The following CELA2B variants were observed in gnomAD, a reference collection of about 807,000 sequenced individuals.
CELA2B encodes chymotrypsin like elastase 2B, also known as chymotrypsin-like elastase family member 2B.
A neutral mutation model predicts 36.5 loss-of-function variants in CELA2B; 27 were observed. The observed-to-expected ratio is 0.74, with a 90% confidence interval of 0.55 to 1.02. The LOEUF (loss-of-function observed/expected upper bound fraction) is 1.02. CELA2B is among the 50% of genes least tolerant of loss of function. The probability of loss-of-function intolerance (pLI) is 0.00; values close to 1 mark genes in which losing one functional copy is unlikely to be tolerated. For missense variants in CELA2B, 340 were observed against 347.8 expected (o/e 0.98, Z 0.18); for synonymous variants, 143 against 148.5 (o/e 0.96, Z 0.27).
At chr1:15,488,676 C>T (rs1414845958) in intron 7 of CELA2B, among the ~76,000 whole-genome samples, 1 of 152,156 alleles carries the variant, frequency 6.6e-6, no homozygotes, top group African/African-American at 2.4e-5. Context: ...GCAGAGCCCC[C>T]AAAGAAGGGG....
chr1:15,486,068 C>A, intron 6 of CELA2B, 22 bp downstream of exon 6: 1 of 1,605,766 alleles, frequency 6.2e-7, no homozygotes, highest in Non-Finnish European at 8.5e-7. Context: ...AAATCAGGGG[C>A]CCCGCTCCAT....
At chr1:15,478,071 G>C (rs1401100160) in intron 2 of CELA2B, among the ~76,000 whole-genome samples, 1 of 151,986 alleles carries the variant, frequency 6.6e-6, no homozygotes, top group African/African-American at 2.4e-5. Flanking sequence ...GGCCAAGGTG[G>C]GTGAATCACT....
chr1:15,482,637 C>A (rs1376833762), intron 4 of CELA2B, among the ~76,000 whole-genome samples: 1 of 152,120 alleles, frequency 6.6e-6, no homozygotes, highest in Admixed American at 6.5e-5. Context: ...GCCTGCAGGG[C>A]CCCTGTCCGC....
intron 7 of CELA2B, among the ~76,000 whole-genome samples, chr1:15,490,534 C>A (rs1708869531): frequency 6.6e-6 from 1 of 152,140 alleles, no homozygotes; most frequent in African/African-American, 2.4e-5. Flanking sequence ...AGCTGGATAT[C>A]CTGCCGTTTA....
At chr1:15,477,976 G>A (rs1357019896) in intron 2 of CELA2B, among the ~76,000 whole-genome samples, 2 of 152,086 alleles carry the variant, frequency 1.3e-5, no homozygotes, top group Non-Finnish European at 2.9e-5. Flanking sequence ...AGAGGCCAGC[G>A]TTCATTCATC....
At chr1:15,491,186 C>A in intron 7 of CELA2B, 109 bp from the exon 8 acceptor site, 1 of 1,286,852 alleles carries the variant, frequency 7.8e-7, no homozygotes, top group Non-Finnish European at 1.1e-6. Flanking sequence ...TGTGGGCTGC[C>A]TGTGACTCAC....
At chr1:15,478,162 T>G (rs1279736637) in intron 2 of CELA2B, among the ~76,000 whole-genome samples, 4 of 151,830 alleles carry the variant, frequency 2.6e-5, no homozygotes, top group African/African-American at 9.7e-5. Flanking sequence ...CAGGCATGAT[T>G]GCGGGCACCT....
chr1:15,489,567 G>A lies in CELA2B; in HGVS notation c.793-1728G>A, dbSNP rs539215667. Among the ~76,000 whole-genome samples, 81 of 152,268 alleles carry A rather than the reference G, an allele frequency of 5.3e-4. 1 individual carries two copies. The highest frequency in any genetic ancestry group is 1.9e-3 in the South Asian group (9 of 4,824). On this transcript the variant is annotated intron_variant, in intron 7 of 7. Coordinates refer to ENST00000375910, the MANE Select transcript of CELA2B (RefSeq NM_015849.3). ...GTCACGTACCACTAGAGCCCTGGGG[G>A]TGACTGAGAGCACCTGCCTGGATAA...
chr1:15,481,043 G>A, intron 2 of CELA2B, 55 bp from the exon 3 acceptor site: 1 of 1,597,794 alleles, frequency 6.3e-7, no homozygotes, highest in South Asian at 1.1e-5. Context: ...GGAAACTGGA[G>A]TGCAGGGAGG....
In CELA2B at chr1:15,483,547, T is replaced by A. The variant is rs1270754421; in HGVS notation, c.493+147T>A. The A allele has an allele frequency of 3.3e-5, 44 of 1,319,444 alleles. No homozygotes were observed. The South Asian group carries it at 3.8e-4, about 11-fold the overall frequency. The allele number at this position is 1,319,444 out of a possible 1,614,324, so 81.7% of individuals were successfully genotyped here. ...TGGCATAGGCTGATGTCTGCCTGGG[T>A]TCAAATGTCAGCTCTCCCACTTAAT... On this transcript the variant is annotated intron_variant, in intron 5 of 7. Transcript: ENST00000375910.
chr1:15,482,397 C>T lies in CELA2B; in HGVS notation c.356+4C>T, dbSNP rs1477540288. The T allele has an allele frequency of 6.2e-7, 1 of 1,613,872 alleles. No homozygotes were observed. Among genetic ancestry groups the T allele is most frequent in the Non-Finnish European group, 8.5e-7 (1 of 1,179,880 alleles). The stretch of plus-strand genomic sequence containing the variant: ...ACTCCGACCAGGTCTCCAAAGGGTT[C>T]GTTTCTATCTGGGTGCACTTGGGGG... On this transcript the variant is annotated splice_donor_region_variant and intron_variant, in intron 4 of 7. Transcript: ENST00000375910.
At chr1:15,476,430 G>T (rs72643675) in intron 1 of CELA2B, 27 bp from the exon 2 acceptor site, 47,724 of 1,609,014 alleles carry the variant, frequency 0.03, 1,199 homozygotes, top group African/African-American at 0.13. Context: ...CTGCTTCCTG[G>T]ACTCAAGACC....
intron 7 of CELA2B, among the ~76,000 whole-genome samples, chr1:15,489,062 C>G (rs550146308): frequency 6.3e-4 from 96 of 152,346 alleles, no homozygotes; most frequent in Non-Finnish European, 1.2e-3. Flanking sequence ...GTCAAAGGAG[C>G]CTGGCCTGAG....
At chr1:15,491,047 C>T (rs1243471122) in intron 7 of CELA2B, 3 of 530,746 alleles carry the variant, frequency 5.7e-6, no homozygotes, top group African/African-American at 1.9e-5. Flanking sequence ...GCCCCCTGAC[C>T]TGAAGCCCAC....
At chr1:15,487,914 T>G (rs768954957) in intron 7 of CELA2B, among the ~76,000 whole-genome samples, 12 of 152,192 alleles carry the variant, frequency 7.9e-5, no homozygotes, top group Non-Finnish European at 1.8e-4. Flanking sequence ...TGAGAGGTTT[T>G]CCAGGATGCG....
intron 2 of CELA2B, among the ~76,000 whole-genome samples, chr1:15,478,792 C>T (rs1007094124): frequency 6.6e-6 from 1 of 151,870 alleles, no homozygotes; most frequent in Admixed American, 6.6e-5. Flanking sequence ...GTCTCAAACT[C>T]CTGACCTCAG....
At chr1:15,477,083 G>T (rs977401699) in intron 2 of CELA2B, among the ~76,000 whole-genome samples, 2 of 152,182 alleles carry the variant, frequency 1.3e-5, no homozygotes, top group African/African-American at 4.8e-5. Flanking sequence ...CCTCCCCACT[G>T]CCCATAAACA....
chr1:15,477,199 T>TTA (rs1465959015), intron 2 of CELA2B, among the ~76,000 whole-genome samples: 2 of 152,230 alleles, frequency 1.3e-5, no homozygotes, highest in Non-Finnish European at 2.9e-5. Flanking sequence ...ATTCCTTGCT[T>TTA]TAAGGAACCA....
chr1:15,476,598 C>G, intron 2 of CELA2B, 53 bp downstream of exon 2: 2 of 1,517,354 alleles, frequency 1.3e-6, no homozygotes, highest in Non-Finnish European at 1.8e-6. Context: ...CCCTTTACAT[C>G]CCCCCTTTGC....
Sources: allele counts gnomAD v4.1 joint callset (sites outside exome capture counted in the v4.1 genomes callset), GRCh38; gene constraint gnomAD v4.1.1; transcripts MANE v1.5; gene names NCBI Gene and HGNC (gene_info 2026-07-23, HGNC 2026-07-21).